The following ITK variants were observed in gnomAD, a reference collection of about 807,000 sequenced individuals.
ITK encodes the protein IL2 inducible T cell kinase.
In ITK, 45 loss-of-function variants were observed where a neutral mutation model predicts 87.6. The observed-to-expected ratio is 0.51, with a 90% CI of 0.40 to 0.66. The LOEUF is 0.66. Ranked by LOEUF, ITK falls within the 30% of genes least tolerant of loss-of-function variation. The pLI is 0.00. For synonymous variants in ITK, 303 were observed against 273.6 expected, an observed-to-expected ratio of 1.11 and a Z score of -1.06; for missense variants, 605 against 766.3, an observed-to-expected ratio of 0.79 and a Z score of 2.48.
chr5:157,181,214 AAC>A, intron 1 of ITK, 99 bp downstream of exon 1: 3 of 1,204,518 alleles, frequency 2.5e-6, no homozygotes, highest in Non-Finnish European at 3.7e-6. Context: ...GAGCACAGGA[AAC>A]ACAAACATGC....
chr5:157,207,576 T>TCAC (rs1307111805), intron 1 of ITK, among the ~76,000 whole-genome samples: 2 of 151,850 alleles, frequency 1.3e-5, no homozygotes, highest in African/African-American at 4.8e-5. Context: ...AGGTGGGGTT[T>TCAC]CACCATGTTG....
chr5:157,184,017 G>GC (rs549965097), intron 1 of ITK, among the ~76,000 whole-genome samples: 6 of 152,144 alleles, frequency 3.9e-5, no homozygotes, highest in Non-Finnish European at 8.8e-5. Flanking sequence ...GTTGAGATGT[G>GC]CAAGTGTTTT....
chr5:157,233,794 C>T (rs1397412822), intron 8 of ITK, among the ~76,000 whole-genome samples: 3 of 151,026 alleles, frequency 2.0e-5, no homozygotes, highest in South Asian at 2.1e-4. Context: ...CAGTTAATGA[C>T]GTCTATGGAG....
At chr5:157,217,181 G>T (rs558931811) in intron 4 of ITK, among the ~76,000 whole-genome samples, 27 of 152,118 alleles carry the variant, frequency 1.8e-4, no homozygotes, top group African/African-American at 6.5e-4. Flanking sequence ...GAGATGAGAG[G>T]AAGGAGAGAG....
intron 1 of ITK, among the ~76,000 whole-genome samples, chr5:157,201,266 A>C (rs1753966996): frequency 6.7e-6 from 1 of 150,266 alleles, no homozygotes; most frequent in African/African-American, 2.5e-5. Context: ...TGAGTGCTTT[A>C]TCTGTAAGTT....
chr5:157,230,150 T>C (rs1299431151), intron 7 of ITK, among the ~76,000 whole-genome samples: 4 of 152,106 alleles, frequency 2.6e-5, no homozygotes, highest in African/African-American at 4.8e-5. Flanking sequence ...TCTTAGGAAA[T>C]AGACACAGAA....
intron 11 of ITK, among the ~76,000 whole-genome samples, chr5:157,242,367 G>A (rs1754927092): frequency 6.6e-6 from 1 of 152,108 alleles, no homozygotes; most frequent in Admixed American, 6.6e-5. Context: ...CTAGCTTGGT[G>A]GTTCTCAAAT....
chr5:157,196,204 A>G (rs1420584023), intron 1 of ITK, among the ~76,000 whole-genome samples: 1 of 152,216 alleles, frequency 6.6e-6, no homozygotes, highest in Non-Finnish European at 1.5e-5. Flanking sequence ...GGAATTGCTG[A>G]GTCAAAGGAT....
At chr5:157,234,741 C>T (rs950025823) in intron 8 of ITK, among the ~76,000 whole-genome samples, 1 of 152,048 alleles carries the variant, frequency 6.6e-6, no homozygotes, top group African/African-American at 2.4e-5. Flanking sequence ...ATGGACACAT[C>T]ACACACCAGG....
At chr5:157,223,419 GT>G (rs1561657631) in intron 6 of ITK, among the ~76,000 whole-genome samples, 210 of 152,300 alleles carry the variant, frequency 1.4e-3, no homozygotes, top group African/African-American at 4.9e-3. Flanking sequence ...GAAAATGTGT[GT>G]ATAGAGATGG....
intron 1 of ITK, among the ~76,000 whole-genome samples, chr5:157,197,334 C>A (rs1019604107): frequency 1.2e-4 from 19 of 152,150 alleles, no homozygotes; most frequent in Non-Finnish European, 2.5e-4. Flanking sequence ...TTTCGCACAC[C>A]CAGCATTTGA....
intron 1 of ITK, among the ~76,000 whole-genome samples, chr5:157,187,406 AG>A (rs1283152251): frequency 6.6e-6 from 1 of 152,204 alleles, no homozygotes; most frequent in African/African-American, 2.4e-5. Context: ...AAAAGAAAGG[AG>A]GGAGTAAGGA....
intron 7 of ITK, 143 bp downstream of exon 7, chr5:157,228,504 C>T: frequency 1.5e-6 from 1 of 661,662 alleles, no homozygotes; most frequent in Non-Finnish European, 2.7e-6. Flanking sequence ...GCTCTTGATA[C>T]CTAAATAAGG....
At position 157,210,264 on chromosome 5, in the gene ITK, A is replaced by G. The variant is rs76347421; in HGVS notation, c.244-1023A>G. Among the ~76,000 whole-genome samples the G allele has an allele frequency of 4.3e-3, 651 of 152,238 alleles. 3 individuals carry two copies. The highest frequency in any genetic ancestry group is 7.4e-3 in the Non-Finnish European group (500 of 68,016). On this transcript the variant is annotated intron_variant, in intron 2 of 16. Coordinates refer to ENST00000422843, the MANE Select transcript of ITK (RefSeq NM_005546.4). ...TCTTGGCACTTCTGGCTTCAAAGGC[A>G]TGGATATCTCCTTGCACATCCCAGG...
intron 4 of ITK, among the ~76,000 whole-genome samples, chr5:157,216,489 G>A (rs1754301815): frequency 6.6e-6 from 1 of 152,152 alleles, no homozygotes; most frequent in Admixed American, 6.5e-5. Flanking sequence ...GAAAGAATCT[G>A]AGGCTGAGAT....
At chr5:157,206,595 T>C (rs1299903553) in intron 1 of ITK, among the ~76,000 whole-genome samples, 1 of 152,198 alleles carries the variant, frequency 6.6e-6, no homozygotes, top group African/African-American at 2.4e-5. Flanking sequence ...GGAATTAATT[T>C]CCTCCTGGTT....
intron 5 of ITK, among the ~76,000 whole-genome samples, chr5:157,220,740 A>G (rs1452055275): frequency 6.6e-6 from 1 of 152,118 alleles, no homozygotes; most frequent in East Asian, 1.9e-4. Flanking sequence ...ACCTTATCAA[A>G]CTCAATCCTG....
At chr5:157,239,980 T>C in intron 9 of ITK, 82 bp from the exon 10 acceptor site, 1 of 1,353,840 alleles carries the variant, frequency 7.4e-7, no homozygotes, top group Non-Finnish European at 1.0e-6. Context: ...ACAAAGATAA[T>C]AAGAACTTAA....
At chr5:157,216,585 C>A (rs1350077147) in intron 4 of ITK, among the ~76,000 whole-genome samples, 2 of 151,952 alleles carry the variant, frequency 1.3e-5, no homozygotes, top group Non-Finnish European at 2.9e-5. Context: ...CATAGTAACA[C>A]CCATTTCTGC....
Sources: allele counts gnomAD v4.1 joint callset (sites outside exome capture counted in the v4.1 genomes callset), GRCh38; gene constraint gnomAD v4.1.1; transcripts MANE v1.5; gene names NCBI Gene and HGNC (gene_info 2026-07-23, HGNC 2026-07-21).